Variants in DYNC2H1 observed in about 807,000 individuals in gnomAD.
DYNC2H1 encodes the protein cytoplasmic dynein 2 heavy chain 1.
In DYNC2H1, 410 loss-of-function variants were observed where a neutral mutation model predicts 570.0. The observed-to-expected ratio is 0.72, with a 90% CI of 0.66 to 0.78. The LOEUF (loss-of-function observed/expected upper bound fraction) is 0.78, where lower values mean the gene tolerates loss of function less well. Among genes scored for constraint, DYNC2H1 ranks in the 30% least tolerant of loss-of-function variants. DYNC2H1 has a pLI of 0.00. For synonymous variants in DYNC2H1, 1,688 were observed against 1,677.6 expected (o/e 1.01, Z -0.15); for missense variants, 4,865 against 5,046.4 (o/e 0.96, Z 1.09).
chr11:103,114,054 T>A, intron 2 of DYNC2H1, 49 bp from the exon 3 acceptor site: 1 of 1,586,086 alleles, frequency 6.3e-7, no homozygotes, highest in Non-Finnish European at 8.6e-7. Context: ...GCCAATTTGA[T>A]TAGCAAAATT....
chr11:103,448,123 AG>A, intron 85 of DYNC2H1, among the ~76,000 whole-genome samples: 1 of 152,258 alleles, frequency 6.6e-6, no homozygotes, highest in Admixed American at 6.5e-5. Context: ...CAAGGATTAA[AG>A]GGGGAAGAAA....
chr11:103,381,194 G>A (rs1362910688), intron 83 of DYNC2H1, among the ~76,000 whole-genome samples: 18 of 152,184 alleles, frequency 1.2e-4, no homozygotes, highest in Admixed American at 1.1e-3. Context: ...CTTTAGTATT[G>A]TGGCAGTGTG....
intron 82 of DYNC2H1, among the ~76,000 whole-genome samples, chr11:103,348,746 G>T (rs1939889480): frequency 6.6e-6 from 1 of 151,978 alleles, no homozygotes; most frequent in South Asian, 2.1e-4. Flanking sequence ...ATATGGTTTG[G>T]CTGTGCCCTC....
chr11:103,391,488 C>T (rs1429688900), intron 83 of DYNC2H1, among the ~76,000 whole-genome samples: 1 of 152,230 alleles, frequency 6.6e-6, no homozygotes, highest in Non-Finnish European at 1.5e-5. Context: ...AAGCCTACTT[C>T]TCTCAACTCG....
intron 65 of DYNC2H1, among the ~76,000 whole-genome samples, chr11:103,246,747 T>C (rs1041496776): frequency 1.3e-5 from 2 of 152,050 alleles, no homozygotes; most frequent in African/African-American, 4.8e-5. Context: ...TCATCATACA[T>C]TAACTCTGGG....
intron 63 of DYNC2H1, among the ~76,000 whole-genome samples, chr11:103,242,079 G>A (rs1864443326): frequency 6.6e-6 from 1 of 151,860 alleles, no homozygotes; most frequent in African/African-American, 2.4e-5. Context: ...TGTGTTCCAA[G>A]ACCCTCAGTG....
chr11:103,338,878 G>A (rs760146884), intron 82 of DYNC2H1, among the ~76,000 whole-genome samples: 2 of 152,092 alleles, frequency 1.3e-5, no homozygotes, highest in Non-Finnish European at 2.9e-5. Flanking sequence ...GATGCTTATG[G>A]ACATTCATCA....
chr11:103,303,432 T>C (rs1867134697), intron 76 of DYNC2H1, among the ~76,000 whole-genome samples, 179 bp downstream of exon 76: 1 of 152,124 alleles, frequency 6.6e-6, no homozygotes, highest in Admixed American at 6.6e-5. Context: ...ACTTTGCTGA[T>C]GTAATTGAGG....
At chr11:103,420,995 A>G (rs1333672440) in intron 84 of DYNC2H1, among the ~76,000 whole-genome samples, 1 of 152,236 alleles carries the variant, frequency 6.6e-6, no homozygotes, top group African/African-American at 2.4e-5. Context: ...CTCACGTGCA[A>G]AGACACACAT....
At chr11:103,352,030 G>T (rs528014783) in intron 82 of DYNC2H1, among the ~76,000 whole-genome samples, 138 of 152,008 alleles carry the variant, frequency 9.1e-4, no homozygotes, top group African/African-American at 3.0e-3. Flanking sequence ...ACTTTGTATG[G>T]TATAAAGTTT....
At chr11:103,379,885 A>T (rs1273335124) in intron 83 of DYNC2H1, among the ~76,000 whole-genome samples, 1 of 152,224 alleles carries the variant, frequency 6.6e-6, no homozygotes, top group Non-Finnish European at 1.5e-5. Flanking sequence ...ATATTACTTA[A>T]ATAATAATTT....
chr11:103,395,544 C>T lies in DYNC2H1; in HGVS notation c.12157-4119C>T, dbSNP rs959383913. On this transcript the variant is annotated intron_variant, in intron 83 of 88. Transcript: ENST00000375735. The surrounding 1 kb of genome is among the most constrained non-coding windows in gnomAD (Gnocchi z 4.3). Reference sequence around the variant, plus strand: ...CTCTGTATTGGCACCATTTTTCATACAGCATCTCTTTATTATCACAGAATT... The same window carrying T: ...CTCTGTATTGGCACCATTTTTCATATAGCATCTCTTTATTATCACAGAATT... Among the ~76,000 whole-genome samples, 2 of 151,878 alleles carry T rather than the reference C, an allele frequency of 1.3e-5. No homozygotes were observed. Among genetic ancestry groups the T allele is most frequent in the African/African-American group, 4.8e-5 (2 of 41,330 alleles).
rs751769715 is a variant in DYNC2H1, at chr11:103,243,825, G to T, written c.9918+34G>T. On this transcript the variant is annotated intron_variant, in intron 64 of 88. Coordinates refer to ENST00000375735, the MANE Select transcript of DYNC2H1 (RefSeq NM_001377.3). The surrounding 1 kb of genome is among the most constrained non-coding windows in gnomAD (Gnocchi z 4.8). Reference sequence around the variant, plus strand: ...TATTTATAATTTACATACCAATTAGGAATGACCTCTTATAGTGAAAAGATC... The same window carrying T: ...TATTTATAATTTACATACCAATTAGTAATGACCTCTTATAGTGAAAAGATC... 4 of 1,470,630 alleles carry T rather than the reference G, an allele frequency of 2.7e-6. No individual in the cohort carries two copies. The highest frequency in any genetic ancestry group is 2.0e-5 in the Admixed American group (1 of 50,412). The allele number at this position is 1,470,630 out of a possible 1,614,324, so 91.1% of individuals were successfully genotyped here. A position where few individuals can be genotyped will look rare whatever the true frequency, so the allele number is the denominator to read the frequency against.
At chr11:103,372,082 C>T (rs1399689525) in intron 83 of DYNC2H1, among the ~76,000 whole-genome samples, 35 of 140,092 alleles carry the variant, frequency 2.5e-4, no homozygotes, top group African/African-American at 9.4e-4. Flanking sequence ...ACTCTGTCAC[C>T]CAGGCTGGAG....
intron 54 of DYNC2H1, among the ~76,000 whole-genome samples, chr11:103,212,326 G>A (rs1039875680): frequency 7.9e-5 from 12 of 151,934 alleles, no homozygotes; most frequent in African/African-American, 2.7e-4. Context: ...GGGATAAAAG[G>A]CAACAAATAT....
At chr11:103,227,732 C>A (rs1045777172) in intron 59 of DYNC2H1, among the ~76,000 whole-genome samples, 1 of 152,108 alleles carries the variant, frequency 6.6e-6, no homozygotes, top group Admixed American at 6.6e-5. Context: ...TCCATTATTT[C>A]TTTGTTGACT....
chr11:103,459,116 C>T (rs972547158), intron 87 of DYNC2H1, among the ~76,000 whole-genome samples: 4 of 149,646 alleles, frequency 2.7e-5, no homozygotes, highest in East Asian at 2.0e-4. Context: ...GAGACCATCC[C>T]GGCTAAAACG....
chr11:103,331,135 T>C (rs1938765792), intron 82 of DYNC2H1, among the ~76,000 whole-genome samples: 1 of 152,214 alleles, frequency 6.6e-6, no homozygotes, highest in Non-Finnish European at 1.5e-5. Flanking sequence ...ACCTGGGGCA[T>C]ATGGCATACC....
Position 103,115,168 on chromosome 11 carries a change from C to G in DYNC2H1, c.503-9C>G. On this transcript the variant is annotated splice_polypyrimidine_tract_variant and intron_variant, in intron 3 of 88. Coordinates refer to ENST00000375735, the MANE Select transcript of DYNC2H1 (RefSeq NM_001377.3). ...CTATGCCATTTTTTTCCCCTCTTGA[C>G]TTTTATAGGTATCCTTACACCAAGC... is the stretch of plus-strand genomic sequence containing the variant. 6.3e-7 allele frequency: 1 copy of G among 1,593,988 alleles called. No individual in the cohort carries two copies. Among genetic ancestry groups the G allele is most frequent in the Non-Finnish European group, 8.6e-7 (1 of 1,168,648 alleles).
Sources: allele counts gnomAD v4.1 joint callset (sites outside exome capture counted in the v4.1 genomes callset), GRCh38; gene constraint gnomAD v4.1.1; non-coding constraint Gnocchi (gnomAD v3.1); transcripts MANE v1.5; gene names NCBI Gene and HGNC (gene_info 2026-07-23, HGNC 2026-07-21).